The following MYO3B variants were observed in gnomAD, a reference collection of about 807,000 sequenced individuals.
MYO3B encodes the protein myosin IIIB, also known as myosin-IIIb.
Under a neutral mutation model 174.6 loss-of-function variants are expected in MYO3B, and 156 were observed. That is an observed-to-expected ratio of 0.89 (90% CI 0.78 to 1.02). MYO3B has a LOEUF of 1.02. MYO3B is among the 50% of genes least tolerant of loss of function. The pLI, the probability that MYO3B is intolerant of heterozygous loss-of-function variation, is 0.00. For synonymous variants in MYO3B, 563 were observed against 569.1 expected, an observed-to-expected ratio of 0.99 and a Z score of 0.15; for missense variants, 1,632 against 1,639.4, an observed-to-expected ratio of 1.00 and a Z score of 0.08.
chr2:170,622,121 A>G (rs1490727942), intron 32 of MYO3B, among the ~76,000 whole-genome samples: 2 of 152,194 alleles, frequency 1.3e-5, no homozygotes, highest in East Asian at 1.9e-4. Flanking sequence ...CTTTACTTAT[A>G]TAGTTCTAAA....
At chr2:170,214,967 G>A (rs2092812101) in intron 5 of MYO3B, 139 bp downstream of exon 5, 1 of 645,684 alleles carries the variant, frequency 1.5e-6, no homozygotes, top group Admixed American at 2.4e-5. Context: ...AAGCTGGAGG[G>A]GGTGGGGGCT....
At chr2:170,304,512 T>C (rs567189866) in intron 7 of MYO3B, among the ~76,000 whole-genome samples, 6 of 150,416 alleles carry the variant, frequency 4.0e-5, no homozygotes, top group African/African-American at 1.5e-4. Context: ...TCACCCAGGC[T>C]GGAGTGCAGT....
At chr2:170,464,558 G>A (rs1220574623) in intron 24 of MYO3B, among the ~76,000 whole-genome samples, 3 of 152,056 alleles carry the variant, frequency 2.0e-5, no homozygotes, top group Non-Finnish European at 4.4e-5. Flanking sequence ...GCTAGCAGGT[G>A]CAGGGATCTA....
At chr2:170,196,670 A>AT (rs5836264) in intron 1 of MYO3B, among the ~76,000 whole-genome samples, 52,350 of 152,128 alleles carry the variant, frequency 0.34, 9,114 homozygotes, top group Non-Finnish European at 0.38. Context: ...TGCAAAAATT[A>AT]TATCAGTGAG....
intron 25 of MYO3B, among the ~76,000 whole-genome samples, chr2:170,489,029 G>T (rs991823827): frequency 6.6e-6 from 1 of 152,212 alleles, no homozygotes; most frequent in African/African-American, 2.4e-5. Flanking sequence ...GGTGAAAGGT[G>T]CTGGAGCATC....
At chr2:170,501,224 C>T (rs1418017000) in intron 27 of MYO3B, among the ~76,000 whole-genome samples, 3 of 152,202 alleles carry the variant, frequency 2.0e-5, no homozygotes. Context: ...TTTTCCCTTC[C>T]CACTGCACAT....
chr2:170,482,414 C>T (rs1390111348), intron 25 of MYO3B, among the ~76,000 whole-genome samples: 1 of 152,218 alleles, frequency 6.6e-6, no homozygotes, highest in African/African-American at 2.4e-5. Context: ...CTTGGCCTCC[C>T]AGAGTGCTGG....
intron 1 of MYO3B, among the ~76,000 whole-genome samples, chr2:170,197,499 A>G (rs970518099): frequency 6.6e-6 from 1 of 152,042 alleles, no homozygotes; most frequent in Non-Finnish European, 1.5e-5. Context: ...ACTGAATGCT[A>G]CTCTTCAAAG....
intron 3 of MYO3B, among the ~76,000 whole-genome samples, chr2:170,211,278 C>T (rs1031803360): frequency 3.1e-4 from 47 of 152,104 alleles, no homozygotes; most frequent in African/African-American, 1.1e-3. Flanking sequence ...TCCAGCAAAG[C>T]AAGATACCCA....
chr2:170,515,657 G>A (rs1381384797), intron 29 of MYO3B, among the ~76,000 whole-genome samples: 1 of 151,964 alleles, frequency 6.6e-6, no homozygotes, highest in African/African-American at 2.4e-5. Context: ...TGCTTGAGAG[G>A]CTATGATTTT....
chr2:170,263,303 T>C (rs541086703), intron 7 of MYO3B, among the ~76,000 whole-genome samples: 2 of 152,272 alleles, frequency 1.3e-5, no homozygotes, highest in South Asian at 2.1e-4. Context: ...AAGTCTTCAT[T>C]TGAAGGGCTG....
intron 32 of MYO3B, among the ~76,000 whole-genome samples, chr2:170,638,100 C>G: frequency 1.0e-5 from 1 of 97,676 alleles, no homozygotes; most frequent in Non-Finnish European, 2.8e-5. Flanking sequence ...CCCTCTCTCT[C>G]TCTCTCTCTC....
chr2:170,636,218 C>T (rs2105413609), intron 32 of MYO3B, among the ~76,000 whole-genome samples: 1 of 152,256 alleles, frequency 6.6e-6, no homozygotes, highest in Non-Finnish European at 1.5e-5. Flanking sequence ...GGGCTGGTCC[C>T]AACCCAGGTG....
At chr2:170,530,763 G>C (rs1002485160) in intron 30 of MYO3B, among the ~76,000 whole-genome samples, 2 of 152,146 alleles carry the variant, frequency 1.3e-5, no homozygotes, top group African/African-American at 4.8e-5. Context: ...TTACTAGCAT[G>C]AAGCATCCTT....
chr2:170,445,541 A>G (rs1367246923), intron 23 of MYO3B, among the ~76,000 whole-genome samples: 1 of 151,976 alleles, frequency 6.6e-6, no homozygotes, highest in African/African-American at 2.4e-5. Context: ...GGGTTTCTCC[A>G]TGTTGGTCAG....
At chr2:170,295,403 T>C (rs2093623107) in intron 7 of MYO3B, among the ~76,000 whole-genome samples, 1 of 152,036 alleles carries the variant, frequency 6.6e-6, no homozygotes, top group South Asian at 2.1e-4. Flanking sequence ...TGAAACTATA[T>C]AATTGATTTA....
chr2:170,640,893 A>G (rs1295309676), intron 32 of MYO3B: 3 of 145,802 alleles, frequency 2.1e-5, no homozygotes, highest in African/African-American at 7.6e-5. Flanking sequence ...CATGTATTTA[A>G]GCAAAAAAAA....
At chr2:170,219,331 C>G (rs1252622709) in intron 6 of MYO3B, among the ~76,000 whole-genome samples, 2 of 152,164 alleles carry the variant, frequency 1.3e-5, no homozygotes, top group East Asian at 1.9e-4. Context: ...GTGCTTGATA[C>G]AGAGTACATG....
chr2:170,510,824 G>A (rs1687932361), intron 28 of MYO3B, among the ~76,000 whole-genome samples: 1 of 152,130 alleles, frequency 6.6e-6, no homozygotes, highest in African/African-American at 2.4e-5. Flanking sequence ...CACTGTAAAT[G>A]GAGTCATACA....
Sources: gnomAD v4.1 joint callset for allele counts (sites outside exome capture counted in the v4.1 genomes callset) on GRCh38, gnomAD v4.1.1 for gene constraint, MANE v1.5 for transcripts, NCBI Gene and HGNC (gene_info 2026-07-23, HGNC 2026-07-21) for gene names.